The following LRP2 variants were observed in gnomAD, a reference collection of about 807,000 sequenced individuals.
LRP2 encodes LDL receptor related protein 2.
Under a neutral mutation model 531.0 loss-of-function variants are expected in LRP2, and 172 were observed. The observed-to-expected ratio is 0.32, with a 90% confidence interval of 0.29 to 0.37. The LOEUF is 0.37. Among genes scored for constraint, LRP2 ranks in the 10% least tolerant of loss-of-function variants. The pLI is 1.00. For missense variants in LRP2, 5,167 were observed against 5,868.3 expected, an observed-to-expected ratio of 0.88 and a Z score of 3.90; for synonymous variants, 1,992 against 2,027.6, an observed-to-expected ratio of 0.98 and a Z score of 0.47.
At chr2:169,233,376 T>C in intron 30 of LRP2, 35 bp downstream of exon 30, 1 of 1,612,688 alleles carries the variant, frequency 6.2e-7, no homozygotes, top group African/African-American at 1.3e-5. Flanking sequence ...TTTTTCAAGC[T>C]ACTCCCAGGC....
chr2:169,241,477 C>T lies in LRP2; in HGVS notation c.3668-112G>A, dbSNP rs977761961. The T allele has an allele frequency of 5.0e-5, 55 of 1,101,866 alleles. 1 individual carries two copies. The African/African-American group carries it at 8.3e-4, about 17-fold the overall frequency. The allele number at this position is 1,101,866 out of a possible 1,614,324, so 68.3% of individuals were successfully genotyped here. ...TCCAATAGTAGGTTTATAGTAACAA[C>T]TATGACCAAATTAATATTTAAGGCT... On this transcript the variant is annotated intron_variant, in intron 24 of 78. Transcript: ENST00000649046.
intron 12 of LRP2, 28 bp from the exon 13 acceptor site, chr2:169,277,979 A>T: frequency 6.3e-7 from 1 of 1,581,492 alleles, no homozygotes; most frequent in Non-Finnish European, 8.7e-7. Context: ...AAGATGAAAG[A>T]ATCTGGTATT....
rs919741033 is a variant in LRP2 at position 169,127,617 on chromosome 2, T to C, written c.*1046A>G. Reference sequence around the variant, plus strand: ...TACATTCTAATATAAATGTACACATTTAGCCACAGGGCCTAATAAAAAGCT... The same window carrying C: ...TACATTCTAATATAAATGTACACATCTAGCCACAGGGCCTAATAAAAAGCT... On this transcript the variant is annotated 3_prime_UTR_variant, in exon 79 of 79. Transcript: ENST00000649046. The C allele has an allele frequency of 9.9e-5, 15 of 151,890 alleles. No individual in the cohort carries two copies. Among genetic ancestry groups the C allele is most frequent in the Non-Finnish European group, 1.9e-4 (13 of 67,926 alleles). 9.4% of individuals were successfully genotyped at this position (151,890 alleles called of 1,614,324 possible). A position where few individuals can be genotyped will look rare whatever the true frequency, so the allele number is the denominator to read the frequency against.
chr2:169,157,925 T>G (rs1470094114), intron 63 of LRP2, among the ~76,000 whole-genome samples: 1 of 138,620 alleles, frequency 7.2e-6, no homozygotes, highest in Non-Finnish European at 1.6e-5. Flanking sequence ...TAGAAATAAA[T>G]AAATAAATAA....
chr2:169,132,797 TC>T (rs1685342599), intron 76 of LRP2, 116 bp from the exon 77 acceptor site: 1 of 705,662 alleles, frequency 1.4e-6, no homozygotes, highest in Non-Finnish European at 2.6e-6. Flanking sequence ...CCCACAGACA[TC>T]ATCAGGCACC....
intron 16 of LRP2, among the ~76,000 whole-genome samples, chr2:169,270,694 T>C: frequency 6.6e-6 from 1 of 151,670 alleles, no homozygotes; most frequent in Non-Finnish European, 1.5e-5. Context: ...ACATGGCACA[T>C]GTATACATAT....
intron 42 of LRP2, among the ~76,000 whole-genome samples, chr2:169,203,625 C>T (rs995380833): frequency 1.3e-5 from 2 of 152,088 alleles, no homozygotes; most frequent in Non-Finnish European, 1.5e-5. Flanking sequence ...CTGGACACGT[C>T]GTGTGCCTGT....
In LRP2 at chr2:169,216,012, T is replaced by C. The variant is rs1472379521; in HGVS notation, c.5826+241A>G. Among the ~76,000 whole-genome samples the C allele has an allele frequency of 2.6e-5, 4 of 151,308 alleles. 1 individual carries two copies. Among genetic ancestry groups the C allele is most frequent in the South Asian group, 4.2e-4 (2 of 4,818 alleles). On this transcript the variant is annotated intron_variant, in intron 35 of 78. Coordinates refer to ENST00000649046, the MANE Select transcript of LRP2 (RefSeq NM_004525.3). ...ATTTATCTTGAAGAAAAAAAAACGT[T>C]GGTGGGGAAATTAATAAACATTACC...
chr2:169,218,308 G>A (rs955825805), intron 34 of LRP2, among the ~76,000 whole-genome samples: 5 of 151,860 alleles, frequency 3.3e-5, no homozygotes, highest in African/African-American at 1.2e-4. Context: ...CCTTCATATC[G>A]CCTGATATAT....
chr2:169,338,359 G>GGAAAGAAAGAAAGAAAAA (rs1685467544), intron 1 of LRP2, among the ~76,000 whole-genome samples: 1 of 76,566 alleles, frequency 1.3e-5, no homozygotes, highest in African/African-American at 5.5e-5. Flanking sequence ...AAAGAAAGAA[G>GGAAAGAAAGAAAGAAAAA]GAAAGAAAGA....
chr2:169,161,707 C>G (rs1281575308), intron 63 of LRP2, among the ~76,000 whole-genome samples: 1 of 152,058 alleles, frequency 6.6e-6, no homozygotes, highest in Non-Finnish European at 1.5e-5. Context: ...CTCCTGGGCT[C>G]AAGAGATTTG....
rs1688090762 is a variant in LRP2, at chr2:169,198,838, A to G, written c.8526T>C (p.Cys2842=). The change falls in exon 45 of 79, where the codon TGT becomes TGC. Residue 2842 remains cysteine (C), a synonymous_variant. Coordinates refer to ENST00000649046, the MANE Select transcript of LRP2 (RefSeq NM_004525.3). ...TATCTCCACAGTCATTGTCTCCGTC[A>G]CACAAATAAACGCGAGGAATACAAA... ...SNICIPRVYL[C]DGDNDCGDNS... is the part of the protein sequence containing the mutation. The G allele has an allele frequency of 4.3e-6, 7 of 1,614,068 alleles. No individual in the cohort carries two copies. The highest frequency in any genetic ancestry group is 5.9e-6 in the Non-Finnish European group (7 of 1,179,912).
In LRP2 at chr2:169,157,404, C is replaced by T. The variant is rs754365114; in HGVS notation, c.11986G>A (p.Glu3996Lys). The T allele has an allele frequency of 1.2e-5, 20 of 1,613,318 alleles. No homozygotes were observed. The highest frequency in any genetic ancestry group is 5.0e-5 in the Admixed American group (3 of 59,916). Residue 3996 changes from glutamate (E) to lysine (K), a missense_variant, in exon 64 of 79, where the codon GAA (glutamate) becomes AAA (lysine). Physicochemically the swap from Glu to Lys is moderately conservative, Grantham distance 56 (BLOSUM62 1). Transcript: ENST00000649046. ...GFICSCTAGF[E>K]TNVFDRTSCL... Reference sequence around the variant, plus strand: ...GAGGTTCTGTCAAAAACATTGGTTTCGAACCCAGCTGTACAGGAGCAGATA... The same window carrying T: ...GAGGTTCTGTCAAAAACATTGGTTTTGAACCCAGCTGTACAGGAGCAGATA...
chr2:169,195,640 TC>T (rs1266226982), intron 46 of LRP2, among the ~76,000 whole-genome samples: 3 of 152,198 alleles, frequency 2.0e-5, no homozygotes, highest in African/African-American at 4.8e-5. Flanking sequence ...GTTTAAAAAC[TC>T]ATATTAATTA....
At chr2:169,224,144 G>T (rs1689116118) in intron 33 of LRP2, among the ~76,000 whole-genome samples, 1 of 152,186 alleles carries the variant, frequency 6.6e-6, no homozygotes, top group Non-Finnish European at 1.5e-5. Flanking sequence ...AAATTAGCCA[G>T]CAGGCTGCTG....
chr2:169,331,800 A>G lies in LRP2; in HGVS notation c.80-10916T>C, dbSNP rs187494180. On this transcript the variant is annotated intron_variant, in intron 1 of 78. Transcript: ENST00000649046. The stretch of plus-strand genomic sequence containing the variant: ...ACAAATCATTCCCATTTCAGAGCAC[A>G]TTTCCAGTCCCAGTCACCCAGAGAA... 3.5e-3 allele frequency among the ~76,000 whole-genome samples: 529 copies of G among 152,282 alleles called. 6 individuals carry two copies. The highest frequency in any genetic ancestry group is 2.6e-3 in the Non-Finnish European group (178 of 68,026).
chr2:169,182,549 A>G (rs1466152431), intron 50 of LRP2: 11 of 1,401,696 alleles, frequency 7.8e-6, no homozygotes, highest in Non-Finnish European at 1.0e-5. Flanking sequence ...GGTGTCATGT[A>G]GAAAATACGG....
intron 21 of LRP2, 61 bp downstream of exon 21, chr2:169,246,644 C>A: frequency 7.0e-6 from 11 of 1,579,920 alleles, no homozygotes; most frequent in Non-Finnish European, 9.6e-6. Context: ...TATTTATTTT[C>A]TTTAAAGCCC....
chr2:169,270,902 A>T lies in LRP2; in HGVS notation c.2320+2T>A. 6.2e-7 allele frequency: 1 copy of T among 1,611,736 alleles called. No homozygotes were observed. Among genetic ancestry groups the T allele is most frequent in the Non-Finnish European group, 8.5e-7 (1 of 1,178,828 alleles). ...ACACACACACACACAAACCTTTCTC[A>T]CCTGTGCCATCAATCTTTTGCTTAA... On this transcript the variant is annotated splice_donor_variant, in intron 16 of 78. Coordinates refer to ENST00000649046, the MANE Select transcript of LRP2 (RefSeq NM_004525.3). LOFTEE classifies it high-confidence loss of function.
Sources: allele counts gnomAD v4.1 joint callset (sites outside exome capture counted in the v4.1 genomes callset), GRCh38; gene constraint gnomAD v4.1.1; transcripts MANE v1.5; gene names NCBI Gene and HGNC (gene_info 2026-07-23, HGNC 2026-07-21).